Variants in GRIK3 observed in about 807,000 individuals in gnomAD.
GRIK3 encodes the protein glutamate ionotropic receptor kainate type subunit 3.
GRIK3 carries 29 observed loss-of-function variants against 102.5 expected under a neutral mutation model. The observed-to-expected ratio is 0.28, with a 90% CI of 0.21 to 0.39. The LOEUF (loss-of-function observed/expected upper bound fraction) is 0.39, where lower values mean the gene tolerates loss of function less well. Among genes scored for constraint, GRIK3 ranks in the 10% least tolerant of loss-of-function variants. GRIK3 has a pLI of 1.00. For synonymous variants in GRIK3, 511 were observed against 504.9 expected (o/e 1.01, Z -0.16); for missense variants, 908 against 1,252.4 (o/e 0.73, Z 4.15).
At chr1:36,973,796 TGACGTAGGA>T (rs1173129595) in intron 1 of GRIK3, among the ~76,000 whole-genome samples, 1 of 152,116 alleles carries the variant, frequency 6.6e-6, no homozygotes, top group African/African-American at 2.4e-5. Context: ...TGATTTCAGA[TGACGTAGGA>T]GACGTTTATG....
In GRIK3 at chr1:37,020,412, CA is replaced by C. The variant is rs530177680; in HGVS notation, c.115+13581del. 2.0e-3 allele frequency among the ~76,000 whole-genome samples: 301 copies of C among 152,290 alleles called. 1 individual carries two copies. The highest frequency in any genetic ancestry group is 3.6e-3 in the Non-Finnish European group (242 of 68,020). ...CCACAACTCAGGAAATAATAACACA[CA>C]AAATACTTTTAAGAAATCACATTTG... is the stretch of plus-strand genomic sequence containing the variant. On this transcript the variant is annotated intron_variant, in intron 1 of 15. Transcript: ENST00000373091.
intron 1 of GRIK3, among the ~76,000 whole-genome samples, chr1:37,022,633 C>T (rs1252797919): frequency 6.6e-6 from 1 of 152,240 alleles, no homozygotes; most frequent in South Asian, 2.1e-4. Context: ...ACAGCATGAG[C>T]ATCTTGACTT....
intron 1 of GRIK3, among the ~76,000 whole-genome samples, chr1:37,003,545 C>T (rs1642500830): frequency 6.6e-6 from 1 of 152,168 alleles, no homozygotes; most frequent in South Asian, 2.1e-4. Context: ...GGCCAAGTAG[C>T]TCCCAGCCTC....
intron 1 of GRIK3, among the ~76,000 whole-genome samples, chr1:36,950,357 G>A (rs2124334449): frequency 6.6e-6 from 1 of 152,274 alleles, no homozygotes; most frequent in African/African-American, 2.4e-5. Flanking sequence ...TCCAGAAAAA[G>A]CACCTTTAGT....
intron 1 of GRIK3, among the ~76,000 whole-genome samples, chr1:36,938,357 G>A (rs472188): frequency 0.2 from 30,181 of 152,150 alleles, 3,992 homozygotes; most frequent in African/African-American, 0.38. Flanking sequence ...GCTTTCAGCA[G>A]AATCCAGCAC....
rs776134864 is a variant in GRIK3 at position 36,850,428 on chromosome 1, G to A, written c.1213-4C>T. The A allele has an allele frequency of 1.1e-5, 18 of 1,583,678 alleles. No individual in the cohort carries two copies. In the South Asian group the frequency reaches 1.9e-4, roughly 17 times the overall value. Reference sequence around the variant, plus strand: ...CGGCAGGACTCCACACCCCAACCTGGATGGACACAGACAGAAAACAGGGTG... The same window carrying A: ...CGGCAGGACTCCACACCCCAACCTGAATGGACACAGACAGAAAACAGGGTG... On this transcript the variant is annotated splice_region_variant and splice_polypyrimidine_tract_variant and intron_variant, in intron 8 of 15. Transcript: ENST00000373091. This position sits in a 1 kb window ranked among gnomAD's most constrained non-coding sequence, Gnocchi z 4.0.
Position 36,804,711 on chromosome 1 carries a change from G to A in GRIK3, c.2565+276C>T, listed in dbSNP as rs1642478480. On this transcript the variant is annotated intron_variant, in intron 15 of 15. Coordinates refer to ENST00000373091, the MANE Select transcript of GRIK3 (RefSeq NM_000831.4). ...AGTTGCTGTGTGAATTGTGGATGGT[G>A]TTGGGGAAGCATGGAGGCTGGAGGG... 3 of 552,516 alleles carry A rather than the reference G, an allele frequency of 5.4e-6. No homozygotes were observed. The South Asian group carries it at 7.9e-5, about 15-fold the overall frequency. The allele number at this position is 552,516 out of a possible 1,614,324, so 34.2% of individuals were successfully genotyped here. A position where few individuals can be genotyped will look rare whatever the true frequency, so the allele number is the denominator to read the frequency against.
rs372693720 is a variant in GRIK3, at chr1:36,941,404, C to T, written c.116-50308G>A. ...ATTCATTTTTCGGGAGAAGCAATTACGATGATTGATGGAATGTCAGGGAAA... is the reference window on the plus strand; with the variant it reads ...ATTCATTTTTCGGGAGAAGCAATTATGATGATTGATGGAATGTCAGGGAAA... On this transcript the variant is annotated intron_variant, in intron 1 of 15. Transcript: ENST00000373091. 6.9e-4 allele frequency among the ~76,000 whole-genome samples: 105 copies of T among 152,270 alleles called. 2 individuals carry two copies. The highest frequency in any genetic ancestry group is 2.1e-3 in the African/African-American group (87 of 41,554).
intron 13 of GRIK3, among the ~76,000 whole-genome samples, chr1:36,812,035 G>C (rs944590479): frequency 1.3e-5 from 2 of 152,068 alleles, no homozygotes; most frequent in South Asian, 4.1e-4. Flanking sequence ...ATTACATTTT[G>C]GTCCCCCTAC....
At chr1:36,984,169 C>T (rs558229300) in intron 1 of GRIK3, among the ~76,000 whole-genome samples, 42 of 152,368 alleles carry the variant, frequency 2.8e-4, no homozygotes, top group Non-Finnish European at 4.6e-4. Context: ...GGGCCACACA[C>T]ATGCTTATGC....
intron 1 of GRIK3, among the ~76,000 whole-genome samples, chr1:36,897,015 T>C (rs1298000192): frequency 6.6e-6 from 1 of 152,142 alleles, no homozygotes; most frequent in Non-Finnish European, 1.5e-5. Flanking sequence ...ATAAAAGCCA[T>C]TTATGAATAG....
intron 10 of GRIK3, among the ~76,000 whole-genome samples, chr1:36,834,751 C>T (rs1640351877): frequency 6.6e-6 from 1 of 152,190 alleles, no homozygotes; most frequent in South Asian, 2.1e-4. Context: ...CTGTCCCCAC[C>T]CCCTGCATGT....
Position 37,009,159 on chromosome 1 carries a change from C to T in GRIK3, c.115+24835G>A, listed in dbSNP as rs148383126. 4.9e-3 allele frequency among the ~76,000 whole-genome samples: 753 copies of T among 152,208 alleles called. 7 individuals carry two copies. Among genetic ancestry groups the T allele is most frequent in the African/African-American group, 0.017 (706 of 41,524 alleles). The stretch of plus-strand genomic sequence containing the variant: ...TAACTAGTTAGTGCATGTGAAATGC[C>T]TGACAGATGGTGAGCACTCAGGAAA... On this transcript the variant is annotated intron_variant, in intron 1 of 15. Transcript: ENST00000373091.
In GRIK3 at chr1:36,896,834, T is replaced by A. The variant is rs1235060117; in HGVS notation, c.116-5738A>T. ...ACAAATGAAAAATTTATTCCTGGAATGCAAGGATGGTTCAAAACAACTGAT... is the reference window on the plus strand; with the variant it reads ...ACAAATGAAAAATTTATTCCTGGAAAGCAAGGATGGTTCAAAACAACTGAT... On this transcript the variant is annotated intron_variant, in intron 1 of 15. Coordinates refer to ENST00000373091, the MANE Select transcript of GRIK3 (RefSeq NM_000831.4). Among the ~76,000 whole-genome samples, 3 of 152,188 alleles carry A rather than the reference T, an allele frequency of 2.0e-5. No individual in the cohort carries two copies. The East Asian group carries it at 5.8e-4, about 29-fold the overall frequency.
chr1:36,969,889 C>A (rs1265747328), intron 1 of GRIK3, among the ~76,000 whole-genome samples: 1 of 152,154 alleles, frequency 6.6e-6, no homozygotes. Flanking sequence ...GATGTAAGAA[C>A]AATTCAGCTA....
At chr1:36,951,351 C>T (rs1641841339) in intron 1 of GRIK3, among the ~76,000 whole-genome samples, 1 of 152,226 alleles carries the variant, frequency 6.6e-6, no homozygotes, top group African/African-American at 2.4e-5. Context: ...ACTTAGGGGT[C>T]CTTGGGCCGA....
At chr1:36,863,259 G>A (rs957030026) in intron 5 of GRIK3, among the ~76,000 whole-genome samples, 1 of 152,058 alleles carries the variant, frequency 6.6e-6, no homozygotes, top group Non-Finnish European at 1.5e-5. Context: ...CCTACCGAGA[G>A]GCTCTACCTG....
chr1:36,802,756 C>T (rs1025616522), intron 15 of GRIK3, among the ~76,000 whole-genome samples: 12 of 152,262 alleles, frequency 7.9e-5, no homozygotes, highest in Admixed American at 7.2e-4. Context: ...ATGCTGATAT[C>T]TCAACTTACC....
chr1:36,912,938 T>G (rs1273297069), intron 1 of GRIK3, among the ~76,000 whole-genome samples: 1 of 152,328 alleles, frequency 6.6e-6, no homozygotes, highest in Admixed American at 6.5e-5. Flanking sequence ...CACACAAATA[T>G]CTCTCAGACC....
Sources: gnomAD v4.1 joint callset for allele counts (sites outside exome capture counted in the v4.1 genomes callset) on GRCh38, gnomAD v4.1.1 for gene constraint, Gnocchi (gnomAD v3.1) non-coding constraint, MANE v1.5 for transcripts, NCBI Gene and HGNC (gene_info 2026-07-23, HGNC 2026-07-21) for gene names.